Variants in PDE8B observed in about 807,000 individuals in gnomAD.
PDE8B encodes high affinity cAMP-specific and IBMX-insensitive 3',5'-cyclic phosphodiesterase 8B.
PDE8B carries 26 observed loss-of-function variants against 101.3 expected under a neutral mutation model. The observed-to-expected ratio is 0.26, with a 90% confidence interval of 0.19 to 0.36. The LOEUF (loss-of-function observed/expected upper bound fraction) is 0.36. Among genes scored for constraint, PDE8B ranks in the 10% least tolerant of loss-of-function variants. The pLI is 1.00. For synonymous variants in PDE8B, 424 were observed against 429.3 expected (o/e 0.99, Z 0.15); for missense variants, 810 against 1,163.1 (o/e 0.70, Z 4.42).
the PDE8B span, among the ~76,000 whole-genome samples, chr5:77,108,647 C>T: frequency 6.6e-6 from 1 of 152,162 alleles, no homozygotes. Context: ...TGCGCCACTG[C>T]ATTTCAGCCT....
chr5:77,409,154 C>T (rs1215551084), intron 14 of PDE8B, 97 bp downstream of exon 14: 4 of 997,962 alleles, frequency 4.0e-6, no homozygotes, highest in Non-Finnish European at 4.7e-6. Flanking sequence ...GCAGAAGTAC[C>T]TGTTATATAG....
At chr5:77,213,389 T>C (rs950564568) in intron 1 of PDE8B, among the ~76,000 whole-genome samples, 1 of 152,246 alleles carries the variant, frequency 6.6e-6, no homozygotes. Flanking sequence ...CAGAGTTATT[T>C]ATGCAAATCT....
At chr5:77,179,853 G>C in the PDE8B span, among the ~76,000 whole-genome samples, 18 of 152,090 alleles carry the variant, frequency 1.2e-4, no homozygotes, top group Non-Finnish European at 1.8e-4. Flanking sequence ...GAGCCACCGC[G>C]CCCAGGAGAT....
At chr5:77,316,963 T>C (rs1047087004) in intron 2 of PDE8B, among the ~76,000 whole-genome samples, 2 of 152,126 alleles carry the variant, frequency 1.3e-5, no homozygotes, top group African/African-American at 4.8e-5. Flanking sequence ...GATAATAAGC[T>C]CAACTTAGAA....
At chr5:77,423,774 C>T (rs1436655328) in intron 20 of PDE8B, among the ~76,000 whole-genome samples, 1 of 150,248 alleles carries the variant, frequency 6.7e-6, no homozygotes, top group Non-Finnish European at 1.5e-5. Context: ...GTAGCTGGGA[C>T]TACAGGTGCA....
intron 10 of PDE8B, chr5:77,358,521 C>T: frequency 2.8e-6 from 2 of 720,664 alleles, no homozygotes; most frequent in Non-Finnish European, 3.4e-6. Flanking sequence ...ATGTATGCCC[C>T]ATAGACATCA....
intron 5 of PDE8B, among the ~76,000 whole-genome samples, chr5:77,334,010 G>T (rs189449079): frequency 4.9e-4 from 74 of 152,330 alleles, no homozygotes; most frequent in African/African-American, 1.6e-3. Context: ...GGAGAAGCAC[G>T]CTGCACCTAC....
chr5:77,335,293 T>C (rs1003288432), intron 5 of PDE8B, among the ~76,000 whole-genome samples: 5 of 152,252 alleles, frequency 3.3e-5, no homozygotes, highest in Admixed American at 1.3e-4. Flanking sequence ...AGTTCTGTTA[T>C]AGGCTGATAT....
At chr5:77,105,778 A>G in the PDE8B span, 1 of 152,192 alleles carries the variant, frequency 6.6e-6, no homozygotes, top group Non-Finnish European at 1.5e-5. Context: ...ACTGTCTGAG[A>G]GTTCCAGGTG....
chr5:77,195,415 A>G, the PDE8B span, among the ~76,000 whole-genome samples: 1 of 152,074 alleles, frequency 6.6e-6, no homozygotes, highest in Non-Finnish European at 1.5e-5. Flanking sequence ...CCCAACAGCA[A>G]TGTTTAAGGG....
chr5:77,263,916 A>G (rs987255953), intron 1 of PDE8B, among the ~76,000 whole-genome samples: 2 of 152,314 alleles, frequency 1.3e-5, no homozygotes, highest in South Asian at 2.1e-4. Context: ...AAGCCTCTAC[A>G]TTAGCAGTCA....
At position 77,418,216 on chromosome 5, in the gene PDE8B, C is replaced by T. The variant is rs754079812; in HGVS notation, c.1912-13C>T. On this transcript the variant is annotated splice_polypyrimidine_tract_variant and intron_variant, in intron 17 of 21. Transcript: ENST00000264917. ...CAGTGGGTAATGCTCAACCTTGCCT[C>T]CCCATATCCCAGGGAAGCCTCGATC... 39 of 1,568,998 alleles carry T rather than the reference C, an allele frequency of 2.5e-5. No homozygotes were observed. The Admixed American group carries it at 4.7e-4, about 19-fold the overall frequency.
At chr5:77,395,052 A>G (rs1437827745) in intron 10 of PDE8B, among the ~76,000 whole-genome samples, 4 of 152,276 alleles carry the variant, frequency 2.6e-5, no homozygotes, top group Admixed American at 2.0e-4. Context: ...GGGGCTCACC[A>G]TGGTCCATCC....
chr5:77,213,446 C>CTT (rs1010360799), intron 1 of PDE8B, among the ~76,000 whole-genome samples: 3 of 152,082 alleles, frequency 2.0e-5, no homozygotes, highest in Non-Finnish European at 4.4e-5. Flanking sequence ...TAATAGTATC[C>CTT]TTTTAGGCCT....
intron 20 of PDE8B, 148 bp downstream of exon 20, chr5:77,422,136 G>C: frequency 3.5e-6 from 3 of 851,540 alleles, no homozygotes; most frequent in Non-Finnish European, 3.8e-6. Context: ...CCCACCTGGG[G>C]TAGGCTTCTG....
intron 1 of PDE8B, among the ~76,000 whole-genome samples, chr5:77,218,821 G>T (rs2149416959): frequency 6.6e-6 from 1 of 152,238 alleles, no homozygotes; most frequent in South Asian, 2.1e-4. Flanking sequence ...TACTCTTTGG[G>T]TAATCAAAAT....
At chr5:77,167,000 C>T in the PDE8B span, 7 of 152,324 alleles carry the variant, frequency 4.6e-5, no homozygotes, top group East Asian at 1.2e-3. Flanking sequence ...CCTGTATACC[C>T]GGCACCACAT....
In PDE8B at chr5:77,225,515, C is replaced by T. The variant is rs115739388; in HGVS notation, c.339+14251C>T. Among the ~76,000 whole-genome samples, 574 of 152,096 alleles carry T rather than the reference C, an allele frequency of 3.8e-3. 2 individuals are homozygous for T. Among genetic ancestry groups the T allele is most frequent in the African/African-American group, 0.013 (544 of 41,482 alleles). ...TGTTCCAGGTTTGTTGCGTCCATTC[C>T]CTGTCTCTGATCTAGAATTAGTCTT... is the stretch of plus-strand genomic sequence containing the variant. On this transcript the variant is annotated intron_variant, in intron 1 of 21. Transcript: ENST00000264917.
At chr5:77,118,723 G>A in the PDE8B span, 1 of 199,356 alleles carries the variant, frequency 5.0e-6, no homozygotes, top group Non-Finnish European at 1.0e-5. Context: ...AATATTCCCA[G>A]CCAGAGGTGC....
Sources: allele counts gnomAD v4.1 joint callset (sites outside exome capture counted in the v4.1 genomes callset), GRCh38; gene constraint gnomAD v4.1.1; transcripts MANE v1.5; gene names NCBI Gene and HGNC (gene_info 2026-07-23, HGNC 2026-07-21).